The following ASTN2 variants were observed in gnomAD, a reference collection of about 807,000 sequenced individuals.
The protein encoded by ASTN2 is astrotactin 2, also known as astrotactin-2.
ASTN2 carries 54 observed loss-of-function variants against 139.8 expected under a neutral mutation model. That is an observed-to-expected ratio of 0.39 (90% confidence interval 0.31 to 0.48). ASTN2 has a LOEUF of 0.48. Among genes scored for constraint, ASTN2 ranks in the 20% least tolerant of loss-of-function variants. The pLI is 0.95. For missense variants in ASTN2, 1,565 were observed against 1,725.1 expected, an observed-to-expected ratio of 0.91 and a Z score of 1.64; for synonymous variants, 756 against 719.5, an observed-to-expected ratio of 1.05 and a Z score of -0.81.
intron 6 of ASTN2, among the ~76,000 whole-genome samples, chr9:117,030,315 T>C (rs1838211281): frequency 6.6e-6 from 1 of 152,212 alleles, no homozygotes; most frequent in Admixed American, 6.5e-5. Context: ...TGGCCTTCTG[T>C]TCACAACAAC....
intron 3 of ASTN2, among the ~76,000 whole-genome samples, chr9:117,188,166 T>TAGAGAG (rs150848006): frequency 0.014 from 1,700 of 125,706 alleles, 27 homozygotes; most frequent in East Asian, 0.093. Flanking sequence ...GTCTGTGTGA[T>TAGAGAG]AGAGAGAGAG....
At chr9:117,141,506 A>C (rs1395007205) in intron 3 of ASTN2, 28 bp from the exon 4 acceptor site, 16 of 1,359,448 alleles carry the variant, frequency 1.2e-5, no homozygotes, top group Non-Finnish European at 1.5e-5. Context: ...GGCTGAGGTT[A>C]GGGCTTGAGC....
chr9:116,993,654 T>G (rs1009768779), intron 7 of ASTN2, among the ~76,000 whole-genome samples: 11 of 148,350 alleles, frequency 7.4e-5, no homozygotes, highest in African/African-American at 2.7e-4. Flanking sequence ...TAAATTACTA[T>G]ATTTCATATA....
intron 1 of ASTN2, among the ~76,000 whole-genome samples, chr9:117,313,270 T>C (rs1335130567): frequency 2.6e-5 from 4 of 152,204 alleles, no homozygotes; most frequent in Non-Finnish European, 5.9e-5. Context: ...ACCTGGGCTT[T>C]GGTTCTGACC....
At chr9:117,016,798 G>T (rs137865619) in intron 6 of ASTN2, among the ~76,000 whole-genome samples, 29,369 of 111,188 alleles carry the variant, frequency 0.26, 3,882 homozygotes, top group East Asian at 0.37. Context: ...GTTATATATA[G>T]GTTATATATA....
intron 10 of ASTN2, among the ~76,000 whole-genome samples, chr9:116,864,658 G>A (rs559470524): frequency 9.9e-5 from 15 of 152,240 alleles, no homozygotes; most frequent in South Asian, 8.3e-4. Context: ...AGTGAGAAGC[G>A]GCACATATCC....
At chr9:117,338,052 G>A (rs956813294) in intron 1 of ASTN2, among the ~76,000 whole-genome samples, 7 of 152,034 alleles carry the variant, frequency 4.6e-5, no homozygotes, top group South Asian at 4.2e-4. Flanking sequence ...TGATTATCTC[G>A]CATTTATCTA....
At chr9:117,161,357 G>C (rs1220202720) in intron 3 of ASTN2, among the ~76,000 whole-genome samples, 1 of 151,970 alleles carries the variant, frequency 6.6e-6, no homozygotes, top group Non-Finnish European at 1.5e-5. Context: ...CCATTGAGGA[G>C]AACTGGAGCA....
In ASTN2 at chr9:116,934,002, T is replaced by C. The variant is rs1304821023; in HGVS notation, c.1889+41206A>G. Among the ~76,000 whole-genome samples the C allele has an allele frequency of 4.9e-5, 6 of 121,362 alleles. No individual in the cohort carries two copies. In the South Asian group the frequency reaches 1.7e-3, roughly 33 times the overall value. 79.6% of individuals were successfully genotyped at this position (121,362 alleles called of 152,430 possible). On this transcript the variant is annotated intron_variant, in intron 10 of 22. Transcript: ENST00000313400. Reference sequence around the variant, plus strand: ...TCCTTTTTTTTTTTTTTTTTTTTTTTCTGGATCAAGGGCAGGTCTGGGGAG... The same window carrying C: ...TCCTTTTTTTTTTTTTTTTTTTTTTCCTGGATCAAGGGCAGGTCTGGGGAG...
intron 2 of ASTN2, among the ~76,000 whole-genome samples, chr9:117,281,645 C>T (rs938207543): frequency 1.3e-5 from 2 of 152,138 alleles, no homozygotes; most frequent in Non-Finnish European, 1.5e-5. Context: ...GAACAGGAGG[C>T]TGGGGCAGAG....
chr9:117,006,744 A>G (rs1019203403), intron 7 of ASTN2, among the ~76,000 whole-genome samples: 12 of 152,064 alleles, frequency 7.9e-5, no homozygotes, highest in Admixed American at 2.0e-4. Context: ...CATGCCCCCA[A>G]ACTTCTTCTT....
At chr9:117,355,741 G>T (rs996050771) in intron 1 of ASTN2, among the ~76,000 whole-genome samples, 1 of 152,104 alleles carries the variant, frequency 6.6e-6, no homozygotes, top group South Asian at 2.1e-4. Flanking sequence ...AGAGTCTGTC[G>T]GCAATCAAAC....
chr9:116,533,900 C>G (rs1003988084), intron 19 of ASTN2, among the ~76,000 whole-genome samples: 2 of 152,230 alleles, frequency 1.3e-5, no homozygotes, highest in African/African-American at 4.8e-5. Flanking sequence ...AGGAGTCCCT[C>G]TTTTCCTACT....
chr9:117,240,184 G>A (rs922408382), intron 2 of ASTN2, among the ~76,000 whole-genome samples: 1 of 152,210 alleles, frequency 6.6e-6, no homozygotes, highest in Non-Finnish European at 1.5e-5. Context: ...TGGTGACTAA[G>A]ATGGGTCACT....
At chr9:116,576,885 A>G (rs1011846174) in intron 19 of ASTN2, among the ~76,000 whole-genome samples, 3 of 152,150 alleles carry the variant, frequency 2.0e-5, no homozygotes, top group Non-Finnish European at 4.4e-5. Context: ...CTTGCTTATA[A>G]AGCACTTTTA....
In ASTN2 at chr9:117,385,829, A is replaced by G. The variant is rs1056940493; in HGVS notation, c.442+28668T>C. 1.5e-4 allele frequency among the ~76,000 whole-genome samples: 23 copies of G among 152,140 alleles called. 1 individual carries two copies. Among genetic ancestry groups the G allele is most frequent in the South Asian group, 2.1e-4 (1 of 4,828 alleles). On this transcript the variant is annotated intron_variant, in intron 1 of 22. Transcript: ENST00000313400. ...GCTAAACTGAGACAAAAGAAGAGAG[A>G]GAAAGGAGTAAAAAATTCTCTGCAC...
intron 1 of ASTN2, among the ~76,000 whole-genome samples, chr9:117,339,577 A>G (rs1451086032): frequency 1.3e-5 from 2 of 152,200 alleles, no homozygotes; most frequent in Non-Finnish European, 2.9e-5. Flanking sequence ...CTTTTCCTGA[A>G]GAAACTTTTT....
chr9:116,566,063 T>C (rs1853217304), intron 19 of ASTN2, among the ~76,000 whole-genome samples: 1 of 152,244 alleles, frequency 6.6e-6, no homozygotes, highest in South Asian at 2.1e-4. Context: ...TTCTAAAATA[T>C]GCCTCTGATG....
Position 116,818,977 on chromosome 9 carries a change from A to G in ASTN2, c.2207+1640T>C, listed in dbSNP as rs147355324. On this transcript the variant is annotated intron_variant, in intron 12 of 22. Coordinates refer to ENST00000313400, the MANE Select transcript of ASTN2 (RefSeq NM_001365068.1). Reference sequence around the variant, plus strand: ...CTTTCCTCTCTTCAGAATTATCATTATATTAAGGTAGGTATTAAAATTTTA... The same window carrying G: ...CTTTCCTCTCTTCAGAATTATCATTGTATTAAGGTAGGTATTAAAATTTTA... Among the ~76,000 whole-genome samples, 377 of 152,292 alleles carry G rather than the reference A, an allele frequency of 2.5e-3. 1 individual carries two copies. Among genetic ancestry groups the G allele is most frequent in the African/African-American group, 8.5e-3 (353 of 41,554 alleles).
Sources: gnomAD v4.1 joint callset for allele counts (sites outside exome capture counted in the v4.1 genomes callset) on GRCh38, gnomAD v4.1.1 for gene constraint, MANE v1.5 for transcripts, NCBI Gene and HGNC (gene_info 2026-07-23, HGNC 2026-07-21) for gene names.